Variants in HTR7 observed in about 807,000 individuals in gnomAD.
HTR7 encodes 5-hydroxytryptamine receptor 7, also known as 5-HT-7.
HTR7 carries 16 observed loss-of-function variants against 34.0 expected under a neutral mutation model. The observed-to-expected ratio is 0.47, with a 90% CI of 0.32 to 0.71. The LOEUF (loss-of-function observed/expected upper bound fraction) is 0.71, where lower values mean the gene tolerates loss of function less well. Among genes scored for constraint, HTR7 ranks in the 30% least tolerant of loss-of-function variants. The pLI, the probability that HTR7 is intolerant of heterozygous loss-of-function variation, is 0.04. For missense variants in HTR7, 504 were observed against 625.5 expected (o/e 0.81, Z 2.07); for synonymous variants, 265 against 260.2 (o/e 1.02, Z -0.18).
chr10:90,795,206 A>T (rs986176398), intron 1 of HTR7, among the ~76,000 whole-genome samples: 1 of 152,124 alleles, frequency 6.6e-6, no homozygotes, highest in South Asian at 2.1e-4. Context: ...TGGTAGTTCT[A>T]TTTTTAATTT....
intron 1 of HTR7, among the ~76,000 whole-genome samples, chr10:90,795,292 T>C (rs763901568): frequency 6.6e-6 from 1 of 152,192 alleles, no homozygotes; most frequent in African/African-American, 2.4e-5. Flanking sequence ...AAGGATTCTC[T>C]TTTCTCCTAA....
Position 90,741,944 on chromosome 10 carries a change from T to C in HTR7, c.*538A>G, listed in dbSNP as rs1234120476. ...AAAAGCCAAACTATTTGACAGAAGC[T>C]TGAAACAAACACTGCTCTGGGAAAT... On this transcript the variant is annotated 3_prime_UTR_variant, in exon 4 of 4. Transcript: ENST00000336152. 1 of 152,718 alleles carries C rather than the reference T, an allele frequency of 6.5e-6. No homozygotes were observed. The highest frequency in any genetic ancestry group is 1.5e-5 in the Non-Finnish European group (1 of 68,106). 9.5% of individuals were successfully genotyped at this position (152,718 alleles called of 1,614,324 possible). A position where few individuals can be genotyped will look rare whatever the true frequency, so the allele number is the denominator to read the frequency against.
chr10:90,766,679 T>C (rs1207095849), intron 1 of HTR7, among the ~76,000 whole-genome samples: 1 of 152,216 alleles, frequency 6.6e-6, no homozygotes, highest in Non-Finnish European at 1.5e-5. Context: ...TCTTTTCTCT[T>C]TATCTTGTGT....
At chr10:90,807,931 C>A (rs1229284653) in intron 1 of HTR7, among the ~76,000 whole-genome samples, 9 of 152,176 alleles carry the variant, frequency 5.9e-5, no homozygotes, top group Admixed American at 5.9e-4. Flanking sequence ...TCTCACTATC[C>A]CTCAACCACT....
chr10:90,797,353 T>C (rs1179837222), intron 1 of HTR7, among the ~76,000 whole-genome samples: 3 of 152,214 alleles, frequency 2.0e-5, no homozygotes, highest in African/African-American at 7.2e-5. Flanking sequence ...AATATGTCTA[T>C]TGTGAGCAAC....
intron 1 of HTR7, among the ~76,000 whole-genome samples, chr10:90,765,524 A>ATTT (rs35382478): frequency 1.2e-4 from 17 of 143,764 alleles, no homozygotes; most frequent in Non-Finnish European, 2.2e-4. Context: ...AGTCTATTTC[A>ATTT]TTTTTTTTTT....
At chr10:90,848,355 C>T (rs909454046) in intron 1 of HTR7, among the ~76,000 whole-genome samples, 19 of 152,124 alleles carry the variant, frequency 1.2e-4, no homozygotes, top group African/African-American at 3.9e-4. Context: ...TAGGTGTAAG[C>T]CACTGTGCCT....
intron 1 of HTR7, among the ~76,000 whole-genome samples, chr10:90,831,420 C>A (rs941998370): frequency 6.6e-6 from 1 of 151,912 alleles, no homozygotes; most frequent in African/African-American, 2.4e-5. Context: ...CCGGTGGGTT[C>A]GTGGTCTCGG....
chr10:90,826,423 A>G (rs1230918704), intron 1 of HTR7, among the ~76,000 whole-genome samples: 2 of 152,234 alleles, frequency 1.3e-5, no homozygotes, highest in Non-Finnish European at 2.9e-5. Context: ...ACTCACTGAT[A>G]ATAATAAGTA....
At chr10:90,805,526 T>C (rs528911991) in intron 1 of HTR7, among the ~76,000 whole-genome samples, 1 of 152,364 alleles carries the variant, frequency 6.6e-6, no homozygotes, top group East Asian at 1.9e-4. Context: ...TGTTTTGTTC[T>C]AAGTTCTGTG....
intron 1 of HTR7, among the ~76,000 whole-genome samples, chr10:90,806,512 T>A (rs1419625365): frequency 2.0e-5 from 3 of 151,922 alleles, no homozygotes; most frequent in Non-Finnish European, 4.4e-5. Context: ...GGCAGGAGAA[T>A]GGCGTGAACC....
At chr10:90,819,730 C>G (rs1845949283) in intron 1 of HTR7, among the ~76,000 whole-genome samples, 1 of 152,140 alleles carries the variant, frequency 6.6e-6, no homozygotes, top group Non-Finnish European at 1.5e-5. Flanking sequence ...AATACCACCA[C>G]AGACCCCAGA....
intron 1 of HTR7, among the ~76,000 whole-genome samples, chr10:90,856,219 T>C (rs1846578822): frequency 6.6e-6 from 1 of 152,218 alleles, no homozygotes; most frequent in South Asian, 2.1e-4. Context: ...AGTGTGAATA[T>C]TAAGGTCTCA....
chr10:90,778,982 T>A (rs895188107), intron 1 of HTR7, among the ~76,000 whole-genome samples: 1 of 152,088 alleles, frequency 6.6e-6, no homozygotes, highest in Non-Finnish European at 1.5e-5. Context: ...TGTACCCCCA[T>A]CAGGAGAAGA....
At chr10:90,790,513 T>C (rs1249565378) in intron 1 of HTR7, among the ~76,000 whole-genome samples, 1 of 152,174 alleles carries the variant, frequency 6.6e-6, no homozygotes. Flanking sequence ...ACAGGATACA[T>C]TCATATGGTA....
intron 1 of HTR7, among the ~76,000 whole-genome samples, chr10:90,805,327 C>T (rs188825638): frequency 7.5e-4 from 114 of 152,294 alleles, no homozygotes; most frequent in Admixed American, 1.8e-3. Flanking sequence ...AAATAACACA[C>T]AAGCTAAGTT....
chr10:90,748,344 C>G (rs1844672241), intron 2 of HTR7, among the ~76,000 whole-genome samples: 1 of 152,214 alleles, frequency 6.6e-6, no homozygotes, highest in South Asian at 2.1e-4. Flanking sequence ...TCTCCCCACA[C>G]TAACAACTCT....
chr10:90,751,486 G>A (rs1844733592), intron 1 of HTR7, among the ~76,000 whole-genome samples: 1 of 152,054 alleles, frequency 6.6e-6, no homozygotes. Context: ...CTGCTCTCAA[G>A]CCTCAATGTG....
At chr10:90,838,135 G>C (rs955173689) in intron 1 of HTR7, among the ~76,000 whole-genome samples, 1 of 152,032 alleles carries the variant, frequency 6.6e-6, no homozygotes, top group Non-Finnish European at 1.5e-5. Flanking sequence ...CTCTAGTCCT[G>C]ACTTCTCTCT....
Sources: allele counts gnomAD v4.1 joint callset (sites outside exome capture counted in the v4.1 genomes callset), GRCh38; gene constraint gnomAD v4.1.1; transcripts MANE v1.5; gene names NCBI Gene and HGNC (gene_info 2026-07-23, HGNC 2026-07-21).